The following KIAA1549L variants were observed in gnomAD, a reference collection of about 807,000 sequenced individuals.
The protein encoded by KIAA1549L is KIAA1549 like.
Under a neutral mutation model 160.7 loss-of-function variants are expected in KIAA1549L, and 88 were observed. The ratio of observed to expected loss-of-function variants is 0.55; its 90% CI spans 0.46 to 0.65. The LOEUF is 0.65. KIAA1549L is among the 30% of genes least tolerant of loss of function. KIAA1549L has a pLI of 0.00. For missense variants in KIAA1549L, 2,258 were observed against 2,437.5 expected, an observed-to-expected ratio of 0.93 and a Z score of 1.55; for synonymous variants, 950 against 976.7, an observed-to-expected ratio of 0.97 and a Z score of 0.51.
intron 1 of KIAA1549L, among the ~76,000 whole-genome samples, chr11:33,383,350 AT>A (rs1257475416): frequency 2.0e-5 from 3 of 151,726 alleles, no homozygotes; most frequent in Middle Eastern, 3.4e-3. Context: ...ACCTTAAAAC[AT>A]TTTCGTTGCT....
intron 1 of KIAA1549L, among the ~76,000 whole-genome samples, chr11:33,384,940 T>TTG (rs1333114503): frequency 9.7e-4 from 146 of 149,930 alleles, no homozygotes; most frequent in Non-Finnish European, 1.7e-3. Flanking sequence ...TTTTTTTGTT[T>TTG]TTTGTTTTTT....
At chr11:33,512,808 G>A (rs888867347) in intron 1 of KIAA1549L, among the ~76,000 whole-genome samples, 3 of 152,180 alleles carry the variant, frequency 2.0e-5, no homozygotes, top group East Asian at 1.9e-4. Flanking sequence ...GTTCCTAGGC[G>A]ACAACACTGA....
chr11:33,532,928 T>C (rs1310164842), intron 1 of KIAA1549L, among the ~76,000 whole-genome samples: 2 of 152,168 alleles, frequency 1.3e-5, no homozygotes, highest in Non-Finnish European at 2.9e-5. Flanking sequence ...ACACTGCTGA[T>C]TGAGAAAGAA....
chr11:33,663,069 A>G (rs993623405), intron 20 of KIAA1549L, among the ~76,000 whole-genome samples: 3 of 152,232 alleles, frequency 2.0e-5, no homozygotes, highest in African/African-American at 7.2e-5. Flanking sequence ...GATTTATAGC[A>G]TATGAAAATA....
At chr11:33,484,239 C>G (rs1852473581) in intron 1 of KIAA1549L, among the ~76,000 whole-genome samples, 1 of 152,200 alleles carries the variant, frequency 6.6e-6, no homozygotes, top group African/African-American at 2.4e-5. Flanking sequence ...GAGCCTGACT[C>G]TGTAACCATT....
intron 1 of KIAA1549L, among the ~76,000 whole-genome samples, chr11:33,416,151 G>A (rs899313616): frequency 4.6e-5 from 7 of 152,084 alleles, no homozygotes; most frequent in East Asian, 1.9e-4. Context: ...TGAGTTACGC[G>A]TCCTGAAAAC....
chr11:33,656,977 A>T (rs1244074506), intron 18 of KIAA1549L, among the ~76,000 whole-genome samples: 1 of 152,098 alleles, frequency 6.6e-6, no homozygotes, highest in Non-Finnish European at 1.5e-5. Flanking sequence ...CTCTATCTGT[A>T]ACATGAGCAC....
intron 6 of KIAA1549L, among the ~76,000 whole-genome samples, chr11:33,556,405 C>G (rs1854649286): frequency 6.6e-6 from 1 of 152,080 alleles, no homozygotes; most frequent in Non-Finnish European, 1.5e-5. Context: ...GTGGAAGCAA[C>G]CCATGTGTCC....
chr11:33,456,374 G>A (rs905032334), intron 1 of KIAA1549L, among the ~76,000 whole-genome samples: 3 of 151,870 alleles, frequency 2.0e-5, no homozygotes, highest in Admixed American at 1.3e-4. Context: ...AGCTGGACTT[G>A]GTAGGCACAA....
At chr11:33,501,011 A>G (rs1565160582) in intron 1 of KIAA1549L, among the ~76,000 whole-genome samples, 1 of 152,132 alleles carries the variant, frequency 6.6e-6, no homozygotes, top group Admixed American at 6.6e-5. Flanking sequence ...AAAAAAACCA[A>G]AGACATACTC....
At chr11:33,424,659 A>AT (rs1851082591) in intron 1 of KIAA1549L, among the ~76,000 whole-genome samples, 1 of 152,086 alleles carries the variant, frequency 6.6e-6, no homozygotes, top group Admixed American at 6.5e-5. Flanking sequence ...TTTTAATTTC[A>AT]TTTTTACCAT....
At chr11:33,481,360 G>A (rs1441773568) in intron 1 of KIAA1549L, among the ~76,000 whole-genome samples, 1 of 152,150 alleles carries the variant, frequency 6.6e-6, no homozygotes, top group Non-Finnish European at 1.5e-5. Flanking sequence ...TTTTAGGCTA[G>A]TGGTACATGT....
Position 33,477,507 on chromosome 11 carries a change from G to GCACGCGCGCACA in KIAA1549L, c.239-64292_239-64291insGCGCGCACACAC, listed in dbSNP as rs374982374. On this transcript the variant is annotated intron_variant, in intron 1 of 20. Coordinates refer to ENST00000658780, the MANE Select transcript of KIAA1549L (RefSeq NM_012194.3). ...GTGGTGGAGTGCCACGCAGGTGCAC[G>GCACGCGCGCACA]CACACACACACAAACACACACACAC... Among the ~76,000 whole-genome samples, 9 of 131,820 alleles carry GCACGCGCGCACA rather than the reference G, an allele frequency of 6.8e-5. No individual in the cohort carries two copies. In the South Asian group the frequency reaches 9.1e-4, roughly 13 times the overall value. 86.5% of individuals were successfully genotyped at this position (131,820 alleles called of 152,430 possible).
intron 11 of KIAA1549L, among the ~76,000 whole-genome samples, chr11:33,584,385 A>T (rs1590368416): frequency 6.6e-6 from 1 of 151,074 alleles, no homozygotes; most frequent in Admixed American, 6.6e-5. Flanking sequence ...TGGCCAGAAA[A>T]CCCCCGTTCA....
chr11:33,573,905 G>A (rs1306219874), intron 9 of KIAA1549L, among the ~76,000 whole-genome samples: 1 of 152,100 alleles, frequency 6.6e-6, no homozygotes, highest in Non-Finnish European at 1.5e-5. Context: ...GTTTAAATAA[G>A]TTTATGAGGT....
At chr11:33,492,229 A>G (rs1256299564) in intron 1 of KIAA1549L, among the ~76,000 whole-genome samples, 2 of 152,128 alleles carry the variant, frequency 1.3e-5, no homozygotes, top group African/African-American at 4.8e-5. Flanking sequence ...TTAGCTGGGC[A>G]TGGTTGTGTG....
At chr11:33,397,302 C>G (rs191042999) in intron 1 of KIAA1549L, among the ~76,000 whole-genome samples, 2 of 140,768 alleles carry the variant, frequency 1.4e-5, no homozygotes, top group Non-Finnish European at 3.0e-5. Flanking sequence ...CCATTGCACT[C>G]CAGCCTTGGT....
chr11:33,415,984 A>T (rs545878005), intron 1 of KIAA1549L, among the ~76,000 whole-genome samples: 2 of 152,046 alleles, frequency 1.3e-5, no homozygotes, highest in African/African-American at 4.8e-5. Flanking sequence ...CTGCAGTGGG[A>T]TGTAATCACA....
chr11:33,429,759 ATC>A (rs1283408893), intron 1 of KIAA1549L, among the ~76,000 whole-genome samples: 3 of 151,330 alleles, frequency 2.0e-5, no homozygotes, highest in Admixed American at 6.6e-5. Flanking sequence ...GTTGTCTTTG[ATC>A]TCTCTCTTTC....
Sources: allele counts gnomAD v4.1 joint callset (sites outside exome capture counted in the v4.1 genomes callset), GRCh38; gene constraint gnomAD v4.1.1; transcripts MANE v1.5; gene names NCBI Gene and HGNC (gene_info 2026-07-23, HGNC 2026-07-21).